CLN8: variants seen among roughly 807,000 people sequenced by gnomAD.
CLN8 encodes CLN8 transmembrane ER and ERGIC protein.
Under a neutral mutation model 15.7 loss-of-function variants are expected in CLN8, and 14 were observed. The ratio of observed to expected loss-of-function variants is 0.89; its 90% CI spans 0.59 to 1.39. The LOEUF is 1.39. CLN8 is among the 40% of genes most tolerant of loss of function. The pLI, the probability that CLN8 is intolerant of heterozygous loss-of-function variation, is 0.00. For missense variants in CLN8, 415 were observed against 364.0 expected (o/e 1.14, Z -1.14); for synonymous variants, 188 against 151.0 (o/e 1.25, Z -1.80).
rs2129016175 is a variant in CLN8 at position 1,784,188 on chromosome 8, G to C, written c.*3621G>C. The C allele has an allele frequency of 6.6e-6, 1 of 152,380 alleles. No individual in the cohort carries two copies. Among genetic ancestry groups the C allele is most frequent in the South Asian group, 2.1e-4 (1 of 4,818 alleles). The allele number at this position is 152,380 out of a possible 1,614,324, so 9.4% of individuals were successfully genotyped here. A position where few individuals can be genotyped will look rare whatever the true frequency, so the allele number is the denominator to read the frequency against. On this transcript the variant is annotated 3_prime_UTR_variant, in exon 3 of 3. Transcript: ENST00000331222. ...TGGTCCCAGCTACTTGGGAGGCTAAGGTAGAAGAATTGCTTGAACCTGGGA... is the reference window on the plus strand; with the variant it reads ...TGGTCCCAGCTACTTGGGAGGCTAACGTAGAAGAATTGCTTGAACCTGGGA...
intron 1 of CLN8, among the ~76,000 whole-genome samples, chr8:1,769,476 C>A (rs1801213067): frequency 2.0e-5 from 3 of 152,132 alleles, no homozygotes; most frequent in Admixed American, 2.0e-4. Context: ...TGTGGTGTTC[C>A]CAGCCCTGCT....
chr8:1,766,569 T>A (rs1801068422), intron 1 of CLN8, among the ~76,000 whole-genome samples: 1 of 151,742 alleles, frequency 6.6e-6, no homozygotes, highest in South Asian at 2.1e-4. Context: ...TTTTTTTGTA[T>A]TTTAGTAGAG....
intron 1 of CLN8, among the ~76,000 whole-genome samples, chr8:1,757,426 C>T (rs1278808481): frequency 6.6e-6 from 1 of 152,170 alleles, no homozygotes; most frequent in Non-Finnish European, 1.5e-5. Flanking sequence ...ATGATCTTGT[C>T]AAGGCACTTT....
rs1481464467 is a variant in CLN8, at chr8:1,763,816, G to C, written c.-193G>C. On this transcript the variant is annotated 5_prime_UTR_variant, in exon 1 of 3. Coordinates refer to ENST00000331222, the MANE Select transcript of CLN8 (RefSeq NM_018941.4). ...TCGTGACTGGGCGGCAATGAGGTCA[G>C]TGACTGCCGGGAGTCCTGCAGGGGC... The C allele has an allele frequency of 6.6e-6, 1 of 151,328 alleles. No homozygotes were observed. Among genetic ancestry groups the C allele is most frequent in the Non-Finnish European group, 1.5e-5 (1 of 67,886 alleles). The allele number at this position is 151,328 out of a possible 1,614,324, so 9.4% of individuals were successfully genotyped here. A position where few individuals can be genotyped will look rare whatever the true frequency, so the allele number is the denominator to read the frequency against.
chr8:1,774,923 G>A (rs112020898), intron 2 of CLN8, among the ~76,000 whole-genome samples: 56 of 152,196 alleles, frequency 3.7e-4, no homozygotes, highest in African/African-American at 1.3e-3. Context: ...CAAGGTTACA[G>A]TGAGCTGTGA....
chr8:1,772,909 A>G (rs1585140709), intron 2 of CLN8: 2 of 398,514 alleles, frequency 5.0e-6, no homozygotes, highest in African/African-American at 4.1e-5. Flanking sequence ...GTTACTGCAC[A>G]TTTCTTGTCT....
At chr8:1,766,157 T>A (rs1801045710) in intron 1 of CLN8, among the ~76,000 whole-genome samples, 2 of 152,148 alleles carry the variant, frequency 1.3e-5, no homozygotes. Context: ...CATGGCCCAG[T>A]GCAATAGAAG....
rs1215040440 is a variant in CLN8, at chr8:1,782,635, A to G, written c.*2068A>G. 6.6e-6 allele frequency: 1 copy of G among 152,254 alleles called. No individual in the cohort carries two copies. Among genetic ancestry groups the G allele is most frequent in the Admixed American group, 6.5e-5 (1 of 15,290 alleles). The allele number at this position is 152,254 out of a possible 1,614,324, so 9.4% of individuals were successfully genotyped here. A position where few individuals can be genotyped will look rare whatever the true frequency, so the allele number is the denominator to read the frequency against. Reference sequence around the variant, plus strand: ...TCTGCAGCCGTGCCCTTGTGGAGTCAGCAGGAGCTGGTGTTTTTCAGCCAG... The same window carrying G: ...TCTGCAGCCGTGCCCTTGTGGAGTCGGCAGGAGCTGGTGTTTTTCAGCCAG... On this transcript the variant is annotated 3_prime_UTR_variant, in exon 3 of 3. Transcript: ENST00000331222.
intron 2 of CLN8, among the ~76,000 whole-genome samples, chr8:1,775,072 C>T (rs914238031): frequency 6.6e-6 from 1 of 152,014 alleles, no homozygotes; most frequent in African/African-American, 2.4e-5. Flanking sequence ...CCTTCTGTAT[C>T]CATGGGTTCT....
At chr8:1,756,342 G>T (rs1328057458) in intron 1 of CLN8, among the ~76,000 whole-genome samples, 3 of 151,882 alleles carry the variant, frequency 2.0e-5, no homozygotes, top group African/African-American at 4.8e-5. Context: ...AAATTAGCCG[G>T]GTGTAGTGGT....
chr8:1,765,335 AAAAAG>A (rs1285119633), intron 1 of CLN8: 5 of 152,330 alleles, frequency 3.3e-5, no homozygotes, highest in African/African-American at 1.2e-4. Context: ...CCTTTTATGT[AAAAAG>A]AAGAGTTTAT....
Position 1,785,322 on chromosome 8 carries a change from G to C in CLN8, c.*4755G>C, listed in dbSNP as rs1801805648. The C allele has an allele frequency of 5.6e-6, 1 of 178,790 alleles. No individual in the cohort carries two copies. The highest frequency in any genetic ancestry group is 1.2e-5 in the Non-Finnish European group (1 of 82,908). The allele number at this position is 178,790 out of a possible 1,614,324, so 11.1% of individuals were successfully genotyped here. A position where few individuals can be genotyped will look rare whatever the true frequency, so the allele number is the denominator to read the frequency against. ...CGGTGACACAGGCGGCGTGCGGTTA[G>C]ACAGGTACCGGTCAGATTACGGTGG... On this transcript the variant is annotated 3_prime_UTR_variant, in exon 3 of 3. Coordinates refer to ENST00000331222, the MANE Select transcript of CLN8 (RefSeq NM_018941.4).
At chr8:1,768,052 T>C (rs1801139016) in intron 1 of CLN8, among the ~76,000 whole-genome samples, 1 of 151,870 alleles carries the variant, frequency 6.6e-6, no homozygotes, top group Admixed American at 6.6e-5. Flanking sequence ...CCAGAAATTC[T>C]CCTGCCTCAG....
chr8:1,772,237 C>G (rs1489326970), intron 2 of CLN8, among the ~76,000 whole-genome samples: 2 of 151,896 alleles, frequency 1.3e-5, no homozygotes, highest in Non-Finnish European at 2.9e-5. Context: ...TGCCTGGCCT[C>G]TTTTAATACT....
At position 1,785,287 on chromosome 8, in the gene CLN8, G is replaced by C. The variant is rs546551795; in HGVS notation, c.*4720G>C. On this transcript the variant is annotated 3_prime_UTR_variant, in exon 3 of 3. Coordinates refer to ENST00000331222, the MANE Select transcript of CLN8 (RefSeq NM_018941.4). ...GGCGGCGTGGGGTTAGACAGGTACC[G>C]GTCAGACTACGGTGACACAGGCGGC... 1 of 189,262 alleles carries C rather than the reference G, an allele frequency of 5.3e-6. No homozygotes were observed. Among genetic ancestry groups the C allele is most frequent in the Non-Finnish European group, 1.1e-5 (1 of 87,780 alleles). The allele number at this position is 189,262 out of a possible 1,614,324, so 11.7% of individuals were successfully genotyped here. A position where few individuals can be genotyped will look rare whatever the true frequency, so the allele number is the denominator to read the frequency against.
intron 1 of CLN8, among the ~76,000 whole-genome samples, chr8:1,768,751 C>T (rs1020223758): frequency 6.6e-6 from 1 of 152,166 alleles, no homozygotes; most frequent in African/African-American, 2.4e-5. Context: ...TTGATCTGCT[C>T]CTGTGAAGTG....
At chr8:1,778,692 C>A (rs1253402806) in intron 2 of CLN8, among the ~76,000 whole-genome samples, 5 of 152,232 alleles carry the variant, frequency 3.3e-5, no homozygotes, top group Admixed American at 3.3e-4. Context: ...CCGTGATGCA[C>A]ATGCGAGAGC....
In CLN8 at chr8:1,780,854, C is replaced by T; in HGVS notation, c.*287C>T. The stretch of plus-strand genomic sequence containing the variant: ...GGTGTCCAGGCATCGGGGCGTCACA[C>T]CTGTTGAGGAGTGGGGTGGCTTTGA... On this transcript the variant is annotated 3_prime_UTR_variant, in exon 3 of 3. Transcript: ENST00000331222. The T allele has an allele frequency of 2.0e-6, 1 of 507,896 alleles. No homozygotes were observed. Among genetic ancestry groups the T allele is most frequent in the East Asian group, 3.4e-5 (1 of 29,704 alleles). 31.5% of individuals were successfully genotyped at this position (507,896 alleles called of 1,614,324 possible).
At chr8:1,755,610 G>A (rs146289178), upstream of CLN8, among the ~76,000 whole-genome samples, 5 of 152,148 alleles carry the variant, frequency 3.3e-5, no homozygotes, top group African/African-American at 1.2e-4. Context: ...GATCACAACC[G>A]GTCTGCCCAG....
Sources: allele counts gnomAD v4.1 joint callset (sites outside exome capture counted in the v4.1 genomes callset), GRCh38; gene constraint gnomAD v4.1.1; transcripts MANE v1.5; gene names NCBI Gene and HGNC (gene_info 2026-07-23, HGNC 2026-07-21).